The following SBF2 variants were observed in gnomAD, a reference collection of about 807,000 sequenced individuals.
The protein encoded by SBF2 is myotubularin-related protein 13.
SBF2 carries 112 observed loss-of-function variants against 225.2 expected under a neutral mutation model. The ratio of observed to expected loss-of-function variants is 0.50; its 90% CI spans 0.43 to 0.58. The LOEUF (loss-of-function observed/expected upper bound fraction) is 0.58. Ranked by LOEUF, SBF2 falls within the 20% of genes least tolerant of loss-of-function variation. The pLI is 0.00. For synonymous variants in SBF2, 763 were observed against 773.3 expected, an observed-to-expected ratio of 0.99 and a Z score of 0.22; for missense variants, 1,996 against 2,206.2, an observed-to-expected ratio of 0.90 and a Z score of 1.91.
At chr11:10,116,687 G>A (rs1300603448) in intron 2 of SBF2, among the ~76,000 whole-genome samples, 3 of 151,574 alleles carry the variant, frequency 2.0e-5, no homozygotes, top group Middle Eastern at 3.4e-3. Context: ...TTCTCCATGA[G>A]CTCTCTGCTT....
chr11:9,974,960 CAAAAAAA>C lies in SBF2; in HGVS notation c.1396-6422_1396-6416del, dbSNP rs1166081188. On this transcript the variant is annotated intron_variant, in intron 13 of 39. Transcript: ENST00000256190. ...GGGCAACAACAGCGAAACTTTGACT[CAAAAAAA>C]AAAAAAAAAAAAAAAAAAAAAGAAA... Among the ~76,000 whole-genome samples, 90 of 23,256 alleles carry C rather than the reference CAAAAAAA, an allele frequency of 3.9e-3. 1 individual carries two copies. Among genetic ancestry groups the C allele is most frequent in the South Asian group, 0.014 (5 of 352 alleles). 15.3% of individuals were successfully genotyped at this position (23,256 alleles called of 152,430 possible). A position where few individuals can be genotyped will look rare whatever the true frequency, so the allele number is the denominator to read the frequency against.
chr11:10,069,013 G>A (rs1340252448), intron 2 of SBF2, among the ~76,000 whole-genome samples: 1 of 151,986 alleles, frequency 6.6e-6, no homozygotes, highest in Non-Finnish European at 1.5e-5. Context: ...TGCTTTATGT[G>A]TTTCCTTCCA....
At chr11:10,085,417 C>T (rs1344929183) in intron 2 of SBF2, among the ~76,000 whole-genome samples, 1 of 152,118 alleles carries the variant, frequency 6.6e-6, no homozygotes, top group Non-Finnish European at 1.5e-5. Flanking sequence ...CTCTTCAACT[C>T]TATCTAGAGA....
At chr11:9,789,885 A>G (rs528084032) in intron 34 of SBF2, among the ~76,000 whole-genome samples, 29 of 152,354 alleles carry the variant, frequency 1.9e-4, no homozygotes, top group African/African-American at 6.3e-4. Context: ...AAGTACCCAG[A>G]CAGAGTATGG....
chr11:9,993,074 T>C lies in SBF2; in HGVS notation c.1083A>G (p.Arg361=), dbSNP rs1362168505. ...ATCCTTGGAAGAGTTGTGCAAATAA[T>C]CTAAGGAAAACGGCTCGCACCTCTT... ...LDKEVRAVFL[R]LFAQLFQGYR... The change falls in exon 11 of 40, where the codon AGA becomes AGG. Residue 361 remains arginine, a synonymous_variant. Coordinates refer to ENST00000256190, the MANE Select transcript of SBF2 (RefSeq NM_030962.4). The C allele has an allele frequency of 2.5e-6, 4 of 1,612,324 alleles. No homozygotes were observed. Among genetic ancestry groups the C allele is most frequent in the South Asian group, 1.1e-5 (1 of 91,062 alleles).
chr11:9,941,272 C>T (rs1865235142), intron 16 of SBF2, among the ~76,000 whole-genome samples: 1 of 152,130 alleles, frequency 6.6e-6, no homozygotes, highest in African/African-American at 2.4e-5. Flanking sequence ...CTATGATTCC[C>T]ACCCCTGCGT....
intron 14 of SBF2, among the ~76,000 whole-genome samples, 198 bp from the exon 15 acceptor site, chr11:9,964,080 T>C (rs1001854387): frequency 3.9e-5 from 6 of 152,054 alleles, no homozygotes; most frequent in Non-Finnish European, 7.4e-5. Flanking sequence ...GCAAGACCCT[T>C]GTCTACAAAA....
intron 16 of SBF2, among the ~76,000 whole-genome samples, chr11:9,933,525 A>C (rs1590513617): frequency 6.6e-6 from 1 of 152,220 alleles, no homozygotes; most frequent in East Asian, 1.9e-4. Flanking sequence ...CCGCTCAACT[A>C]CATGGAAACT....
At chr11:10,221,337 C>A (rs1958333252) in intron 1 of SBF2, among the ~76,000 whole-genome samples, 1 of 152,092 alleles carries the variant, frequency 6.6e-6, no homozygotes, top group South Asian at 2.1e-4. Flanking sequence ...AGGCTAGTCT[C>A]AAACTCCTGA....
intron 2 of SBF2, among the ~76,000 whole-genome samples, chr11:10,173,441 C>T (rs917843952): frequency 2.0e-5 from 3 of 152,240 alleles, no homozygotes; most frequent in South Asian, 4.1e-4. Flanking sequence ...CCGAATACTG[C>T]GCTTTTCCGA....
At chr11:10,240,485 C>G (rs1416617485) in intron 1 of SBF2, among the ~76,000 whole-genome samples, 1 of 152,138 alleles carries the variant, frequency 6.6e-6, no homozygotes, top group Non-Finnish European at 1.5e-5. Flanking sequence ...AATCAGTTTT[C>G]ATGTCCAACA....
intron 2 of SBF2, among the ~76,000 whole-genome samples, chr11:10,165,977 A>G (rs1330726169): frequency 6.6e-6 from 1 of 152,218 alleles, no homozygotes; most frequent in Non-Finnish European, 1.5e-5. Flanking sequence ...TCTTAAAGAT[A>G]ATATGTATCA....
At chr11:9,954,915 A>G (rs1866062831) in intron 16 of SBF2, among the ~76,000 whole-genome samples, 1 of 152,102 alleles carries the variant, frequency 6.6e-6, no homozygotes. Flanking sequence ...TTTAATACCA[A>G]TCATTGGGGA....
intron 6 of SBF2, among the ~76,000 whole-genome samples, chr11:10,010,512 TG>T (rs1485497991): frequency 6.6e-6 from 1 of 152,244 alleles, no homozygotes. Context: ...CTCCATTGCT[TG>T]TTTTTGTCAG....
intron 13 of SBF2, among the ~76,000 whole-genome samples, chr11:9,971,980 T>C (rs757547310): frequency 9.9e-5 from 15 of 152,142 alleles, no homozygotes; most frequent in Non-Finnish European, 1.6e-4. Context: ...GAAAATATGA[T>C]AGAGATAGGT....
chr11:10,097,424 C>T (rs191298876), intron 2 of SBF2, among the ~76,000 whole-genome samples: 7 of 152,272 alleles, frequency 4.6e-5, no homozygotes, highest in Non-Finnish European at 7.4e-5. Flanking sequence ...CAGGTAAAAA[C>T]GAGGCAGTGA....
chr11:9,828,028 AATC>A, intron 28 of SBF2: 1 of 640,964 alleles, frequency 1.6e-6, no homozygotes, highest in Non-Finnish European at 2.3e-6. Context: ...GAACAATTTG[AATC>A]ATAATTAATT....
intron 9 of SBF2, among the ~76,000 whole-genome samples, chr11:9,994,499 A>C (rs1246850590): frequency 6.7e-6 from 1 of 150,140 alleles, no homozygotes; most frequent in Non-Finnish European, 1.5e-5. Context: ...AAAAGAAAAC[A>C]TGTTCTAGAA....
chr11:10,279,413 CAA>C (rs775262387), intron 1 of SBF2, among the ~76,000 whole-genome samples: 9 of 114,476 alleles, frequency 7.9e-5, no homozygotes, highest in East Asian at 2.7e-4. Context: ...GACTCCATCT[CAA>C]AAAAAAAAAA....
Sources: allele counts gnomAD v4.1 joint callset (sites outside exome capture counted in the v4.1 genomes callset), GRCh38; gene constraint gnomAD v4.1.1; transcripts MANE v1.5; gene names NCBI Gene and HGNC (gene_info 2026-07-23, HGNC 2026-07-21).